The following LSR variants were observed in gnomAD, a reference collection of about 807,000 sequenced individuals.
LSR encodes the protein lipolysis-stimulated lipoprotein receptor.
LSR carries 44 observed loss-of-function variants against 61.8 expected under a neutral mutation model. The ratio of observed to expected loss-of-function variants is 0.71; its 90% confidence interval spans 0.56 to 0.91. The LOEUF (loss-of-function observed/expected upper bound fraction) is 0.91. Ranked by LOEUF, LSR falls within the 40% of genes least tolerant of loss-of-function variation. The pLI is 0.00. For synonymous variants in LSR, 397 were observed against 350.6 expected (o/e 1.13, Z -1.48); for missense variants, 911 against 830.5 (o/e 1.10, Z -1.19).
rs1186785476 is a variant in LSR, at chr19:35,267,356, T to A, written c.1392T>A (p.Ser464=). Residue 464 remains serine, a synonymous_variant, in exon 9 of 10, where the codon TCT becomes TCA. Transcript: ENST00000605618. The part of the protein sequence containing the change: ...PPSTAESGSR[S]PTSNGGRSRA... ...GCACCGCCGAGTCAGGGAGCAGGTC[T>A]CCCACGAGTAATGGTGGGAGAAGCC... 6.5e-7 allele frequency: 1 copy of A among 1,543,528 alleles called. No homozygotes were observed. Among genetic ancestry groups the A allele is most frequent in the East Asian group, 2.3e-5 (1 of 43,096 alleles).
Position 35,267,154 on chromosome 19 carries a change from G to A in LSR, c.1190G>A (p.Arg397Gln), listed in dbSNP as rs753664531. Residue 397 changes from arginine (R) to glutamine (Q), a missense_variant, in exon 9 of 10, where the codon CGG becomes CAG. Transcript: ENST00000605618. The part of the protein sequence containing the change: ...TSLHEDDWRS[R>Q]PSRGPALTPI... ...CTCCACGAGGACGACTGGCGATCTC[G>A]GCCTTCCCGGGGCCCTGCCCTCACC... is the stretch of plus-strand genomic sequence containing the variant. 6 of 1,528,924 alleles carry A rather than the reference G, an allele frequency of 3.9e-6. No individual in the cohort carries two copies. The highest frequency in any genetic ancestry group is 4.4e-6 in the Non-Finnish European group (5 of 1,142,584). The allele number at this position is 1,528,924 out of a possible 1,614,324, so 94.7% of individuals were successfully genotyped here. A position where few individuals can be genotyped will look rare whatever the true frequency, so the allele number is the denominator to read the frequency against.
At chr19:35,262,799 G>A in intron 5 of LSR, 107 bp downstream of exon 5, 1 of 1,415,766 alleles carries the variant, frequency 7.1e-7, no homozygotes, top group South Asian at 1.4e-5. Flanking sequence ...TCTGGAGGGT[G>A]TGAATTTAGC....
At chr19:35,253,946 C>T (rs1462508359) in intron 2 of LSR, among the ~76,000 whole-genome samples, 4 of 152,188 alleles carry the variant, frequency 2.6e-5, no homozygotes, top group African/African-American at 9.6e-5. Flanking sequence ...CCACCCCCAC[C>T]TGGGCCTGTG....
At position 35,266,668 on chromosome 19, in the gene LSR, CTCT is replaced by C; in HGVS notation, c.953-10_953-8del. 6.2e-7 allele frequency: 1 copy of C among 1,606,048 alleles called. No homozygotes were observed. Among genetic ancestry groups the C allele is most frequent in the Non-Finnish European group, 8.5e-7 (1 of 1,176,858 alleles). On this transcript the variant is annotated splice_region_variant and splice_polypyrimidine_tract_variant and intron_variant, in intron 6 of 9. Transcript: ENST00000605618. ...CCTGGTGCGCGGCCACTGACAGCCA[CTCT>C]CCCCCAGCTGGTGGCCAAGGCTCCT...
chr19:35,257,538 C>A (rs2065870929), intron 2 of LSR, among the ~76,000 whole-genome samples: 2 of 152,136 alleles, frequency 1.3e-5, no homozygotes, highest in African/African-American at 4.8e-5. Flanking sequence ...TTCTTTCATT[C>A]CTGGGGGTGC....
intron 2 of LSR, among the ~76,000 whole-genome samples, chr19:35,258,613 GA>G (rs546458506): frequency 1.3e-4 from 18 of 142,362 alleles, no homozygotes; most frequent in East Asian, 4.1e-4. Context: ...TCTAAAGAAA[GA>G]AAAAAAAAAA....
intron 2 of LSR, among the ~76,000 whole-genome samples, chr19:35,254,314 T>C (rs1358258706): frequency 2.0e-5 from 3 of 152,220 alleles, no homozygotes; most frequent in African/African-American, 7.2e-5. Flanking sequence ...CAGGCTGGTC[T>C]CAAACTCCTG....
intron 2 of LSR, 101 bp from the exon 3 acceptor site, chr19:35,258,844 G>A: frequency 6.8e-7 from 1 of 1,473,584 alleles, no homozygotes; most frequent in East Asian, 2.3e-5. Flanking sequence ...CCAGCCCACT[G>A]CTTGCCCCCT....
At chr19:35,267,783 G>A (rs541508672) in intron 9 of LSR, 41 bp from the exon 10 acceptor site, 2 of 1,613,698 alleles carry the variant, frequency 1.2e-6, no homozygotes, top group South Asian at 2.2e-5. Flanking sequence ...GCCCCCAGCC[G>A]GTCCCCGCGG....
At position 35,267,539 on chromosome 19, in the gene LSR, CCCTCGGGACAACGGCTCCAGGTCCGGGGA is replaced by C; in HGVS notation, c.1580_1608del (p.Arg527ProfsTer3). ...GGTCCCACCACCACCGTACCCGGGA[CCCTCGGGACAACGGCTCCAGGTCCGGGGA>C]CCTCCCCTATGATGGGCGGCTACTG... is the stretch of plus-strand genomic sequence containing the variant. On this transcript the variant is annotated frameshift_variant, in exon 9 of 10. Coordinates refer to ENST00000605618, the MANE Select transcript of LSR (RefSeq NM_205834.4). LOFTEE classifies it high-confidence loss of function. The C allele has an allele frequency of 6.2e-7, 1 of 1,612,302 alleles. No individual in the cohort carries two copies. Among genetic ancestry groups the C allele is most frequent in the South Asian group, 1.1e-5 (1 of 91,002 alleles).
In LSR at chr19:35,267,371, T is replaced by G. The variant is rs753074590; in HGVS notation, c.1407T>G (p.Gly469=). The change falls in exon 9 of 10, where the codon GGT becomes GGG. Residue 469 remains glycine (G), a synonymous_variant. Coordinates refer to ENST00000605618, the MANE Select transcript of LSR (RefSeq NM_205834.4). ...GGAGCAGGTCTCCCACGAGTAATGGTGGGAGAAGCCGGGCCTACATGCCCC... is the reference window on the plus strand; with the variant it reads ...GGAGCAGGTCTCCCACGAGTAATGGGGGGAGAAGCCGGGCCTACATGCCCC... ...ESGSRSPTSN[G]GRSRAYMPPR... is the part of the protein sequence containing the mutation. 1 of 1,091,190 alleles carries G rather than the reference T, an allele frequency of 9.2e-7. No homozygotes were observed. The highest frequency in any genetic ancestry group is 1.3e-6 in the Non-Finnish European group (1 of 799,552). The allele number at this position is 1,091,190 out of a possible 1,614,324, so 67.6% of individuals were successfully genotyped here.
rs2066024923 is a variant in LSR, at chr19:35,267,316, A to C, written c.1352A>C (p.Asp451Ala). 5 of 1,556,238 alleles carry C rather than the reference A, an allele frequency of 3.2e-6. No individual in the cohort carries two copies. The highest frequency in any genetic ancestry group is 4.3e-6 in the Non-Finnish European group (5 of 1,151,504). ...GCCCGCTCCGTGGACGCCCTGGACG[A>C]CCTCACCCCGCCGAGCACCGCCGAG... is the stretch of plus-strand genomic sequence containing the variant. Reference protein sequence around the residue: ...PRARSVDALDDLTPPSTAESG... With the variant: ...PRARSVDALDALTPPSTAESG... Residue 451 changes from aspartate to alanine, a missense_variant, in exon 9 of 10, where the codon GAC (aspartate) becomes GCC (alanine). Coordinates refer to ENST00000605618, the MANE Select transcript of LSR (RefSeq NM_205834.4).
At chr19:35,266,167 T>G (rs1164003503) in intron 5 of LSR, among the ~76,000 whole-genome samples, 192 bp from the exon 6 acceptor site, 1 of 152,194 alleles carries the variant, frequency 6.6e-6, no homozygotes, top group Non-Finnish European at 1.5e-5. Context: ...GTGAAGCTGG[T>G]GTCCCCCAGC....
Position 35,261,980 on chromosome 19 carries a change from A to C in LSR, c.630A>C (p.Glu210Asp), listed in dbSNP as rs141323755. 88 of 1,510,630 alleles carry C rather than the reference A, an allele frequency of 5.8e-5. No homozygotes were observed. In the Middle Eastern group the frequency reaches 2.1e-3, roughly 36 times the overall value. 93.6% of individuals were successfully genotyped at this position (1,510,630 alleles called of 1,614,324 possible). A position where few individuals can be genotyped will look rare whatever the true frequency, so the allele number is the denominator to read the frequency against. ...CTGGTTTTCAGGCGGGGCCCATAGA[A>C]GGTACGGGGGGTGGATCCTGAGTTG... ...LLPGFQAGPI[E>D]DWLFVVVVCL... Residue 210 changes from glutamate (E) to aspartate (D), a missense_variant and splice_region_variant, in exon 4 of 10, where the codon GAA becomes GAC. Coordinates refer to ENST00000605618, the MANE Select transcript of LSR (RefSeq NM_205834.4).
chr19:35,266,541 G>A lies in LSR; in HGVS notation c.952+9G>A, dbSNP rs764308558. The A allele has an allele frequency of 9.4e-6, 15 of 1,596,664 alleles. 1 individual carries two copies. In the Admixed American group the frequency reaches 1.0e-4, roughly 11 times the overall value. On this transcript the variant is annotated intron_variant, in intron 6 of 9. Coordinates refer to ENST00000605618, the MANE Select transcript of LSR (RefSeq NM_205834.4). ...TGACAGGAGTAGCTCAGGTGAGGCC[G>A]GGGGAAGCAGGAACAGCTGGTGGGA... is the stretch of plus-strand genomic sequence containing the variant.
rs765509564 is a variant in LSR at position 35,267,816 on chromosome 19, C to T, written c.1771-8C>T. ...CGGCTCATACCCTTCTTTCTTTCTC[C>T]CTTGCAGAACTTGGCCCTGAGTCGG... On this transcript the variant is annotated splice_polypyrimidine_tract_variant and splice_region_variant and intron_variant, in intron 9 of 9. Transcript: ENST00000605618. 2 of 1,614,078 alleles carry T rather than the reference C, an allele frequency of 1.2e-6. No individual in the cohort carries two copies. The highest frequency in any genetic ancestry group is 1.7e-6 in the Non-Finnish European group (2 of 1,179,960).
intron 2 of LSR, 52 bp downstream of exon 2, chr19:35,250,711 C>A: frequency 7.0e-7 from 1 of 1,423,076 alleles, no homozygotes. Context: ...GGTGGTGGGA[C>A]TGGCGTCCTT....
rs566209358 is a variant in LSR at position 35,258,877 on chromosome 19, C to T, written c.455-68C>T. On this transcript the variant is annotated intron_variant, in intron 2 of 9. Transcript: ENST00000605618. ...CCTCCTGGGTGTGCTGGGAAGGGGT[C>T]TTTGGCCCTCCAGGGGTTAGGTGCC... 442 of 1,605,752 alleles carry T rather than the reference C, an allele frequency of 2.8e-4. 2 individuals carry two copies. In the South Asian group the frequency reaches 3.2e-3, roughly 12 times the overall value.
rs982307117 is a variant in LSR, at chr19:35,259,159, T to A, written c.574+95T>A. ...TGTGTCCGCCCTCTGCCCTCCAGCT[T>A]ACCCTCTGGGCTCTGTCGCCTGCTC... On this transcript the variant is annotated intron_variant, in intron 3 of 9. Coordinates refer to ENST00000605618, the MANE Select transcript of LSR (RefSeq NM_205834.4). 4.0e-6 allele frequency: 6 copies of A among 1,483,078 alleles called. No individual in the cohort carries two copies. In the African/African-American group the frequency reaches 8.3e-5, roughly 21 times the overall value. The allele number at this position is 1,483,078 out of a possible 1,614,324, so 91.9% of individuals were successfully genotyped here. A position where few individuals can be genotyped will look rare whatever the true frequency, so the allele number is the denominator to read the frequency against.
Sources: gnomAD v4.1 joint callset for allele counts (sites outside exome capture counted in the v4.1 genomes callset) on GRCh38, gnomAD v4.1.1 for gene constraint, MANE v1.5 for transcripts, NCBI Gene and HGNC (gene_info 2026-07-23, HGNC 2026-07-21) for gene names.